PAPPA2: variants seen among roughly 807,000 people sequenced by gnomAD.
PAPPA2 encodes the protein pappalysin-2.
PAPPA2 carries 86 observed loss-of-function variants against 176.4 expected under a neutral mutation model. The observed-to-expected ratio is 0.49, with a 90% CI of 0.41 to 0.58. The LOEUF is 0.58. PAPPA2 is among the 20% of genes least tolerant of loss of function. The probability of loss-of-function intolerance (pLI) is 0.00; values close to 1 mark genes in which losing one functional copy is unlikely to be tolerated. For synonymous variants in PAPPA2, 809 were observed against 852.2 expected (o/e 0.95, Z 0.88); for missense variants, 2,073 against 2,256.9 (o/e 0.92, Z 1.65).
chr1:176,829,630 T>C (rs1242615860), intron 21 of PAPPA2, among the ~76,000 whole-genome samples: 4 of 152,304 alleles, frequency 2.6e-5, no homozygotes, highest in Admixed American at 2.0e-4. Flanking sequence ...TCCCGGGCCT[T>C]CTTGTGGGGT....
chr1:176,765,920 A>G lies in PAPPA2; in HGVS notation c.4323+83A>G, dbSNP rs187771722. On this transcript the variant is annotated intron_variant, in intron 15 of 22. Transcript: ENST00000367662. ...ACTCTTCTCTCTGGCTCCACAGGGA[A>G]AGAGCAGATGTTTTTAAACCATTTG... 53 of 1,507,852 alleles carry G rather than the reference A, an allele frequency of 3.5e-5. No homozygotes were observed. In the East Asian group the frequency reaches 1.2e-3, roughly 33 times the overall value. 93.4% of individuals were successfully genotyped at this position (1,507,852 alleles called of 1,614,324 possible).
At chr1:176,642,992 G>C (rs567839627) in intron 3 of PAPPA2, among the ~76,000 whole-genome samples, 18 of 151,874 alleles carry the variant, frequency 1.2e-4, no homozygotes, top group Admixed American at 5.9e-4. Context: ...CCTTTTCTGG[G>C]TGTCAGTTTT....
intron 12 of PAPPA2, among the ~76,000 whole-genome samples, chr1:176,736,246 A>G (rs1024778896): frequency 6.6e-6 from 1 of 151,920 alleles, no homozygotes; most frequent in East Asian, 1.9e-4. Context: ...CTACTGTCAA[A>G]CTGTCTTCCT....
intron 1 of PAPPA2, among the ~76,000 whole-genome samples, chr1:176,515,569 A>G (rs1648862762): frequency 6.6e-6 from 1 of 152,188 alleles, no homozygotes; most frequent in South Asian, 2.1e-4. Context: ...CTCATCAACA[A>G]GACAAACTAC....
chr1:176,551,987 A>G (rs1342119844), intron 1 of PAPPA2, among the ~76,000 whole-genome samples: 1 of 152,118 alleles, frequency 6.6e-6, no homozygotes, highest in Non-Finnish European at 1.5e-5. Flanking sequence ...AAGCCTTGCA[A>G]TCGGATTTTG....
chr1:176,676,588 A>G (rs924707954), intron 4 of PAPPA2, among the ~76,000 whole-genome samples: 99 of 152,266 alleles, frequency 6.5e-4, no homozygotes, highest in African/African-American at 2.4e-3. Flanking sequence ...GAAGCACTAC[A>G]TGGTTGGAGG....
intron 3 of PAPPA2, among the ~76,000 whole-genome samples, chr1:176,604,605 C>T (rs1654513637): frequency 6.6e-6 from 1 of 152,098 alleles, no homozygotes; most frequent in Non-Finnish European, 1.5e-5. Flanking sequence ...AAACAAAGAC[C>T]ATGTGGCCCA....
chr1:176,761,325 C>T (rs1481548907), intron 14 of PAPPA2, among the ~76,000 whole-genome samples: 2 of 152,140 alleles, frequency 1.3e-5, no homozygotes, highest in African/African-American at 2.4e-5. Flanking sequence ...AACACTGACT[C>T]TTGTTAAAAT....
At position 176,547,726 on chromosome 1, in the gene PAPPA2, A is replaced by G. The variant is rs561542495; in HGVS notation, c.-916-7681A>G. 2.0e-5 allele frequency among the ~76,000 whole-genome samples: 3 copies of G among 151,974 alleles called. No homozygotes were observed. The South Asian group carries it at 6.2e-4, about 32-fold the overall frequency. On this transcript the variant is annotated intron_variant, in intron 1 of 22. Transcript: ENST00000367662. Reference sequence around the variant, plus strand: ...ATGTTAAGCAGCATCCCTAGCCTGTACCCACTAGATGACAGCAGTATCCAT... The same window carrying G: ...ATGTTAAGCAGCATCCCTAGCCTGTGCCCACTAGATGACAGCAGTATCCAT...
intron 4 of PAPPA2, among the ~76,000 whole-genome samples, chr1:176,684,116 C>G (rs373496244): frequency 2.6e-5 from 4 of 152,080 alleles, no homozygotes; most frequent in African/African-American, 4.8e-5. Context: ...GAAAACCCCA[C>G]AGCCAAAAAA....
chr1:176,828,556 G>C (rs1666947425), intron 21 of PAPPA2, among the ~76,000 whole-genome samples: 1 of 151,430 alleles, frequency 6.6e-6, no homozygotes, highest in Admixed American at 6.6e-5. Context: ...GCATATATAT[G>C]TATCATATAT....
At chr1:176,799,965 G>C (rs1297010700) in intron 20 of PAPPA2, 96 bp from the exon 21 acceptor site, 9 of 1,221,636 alleles carry the variant, frequency 7.4e-6, no homozygotes, top group Non-Finnish European at 1.1e-5. Context: ...TTGAGAAATG[G>C]AGTTGGACTC....
At chr1:176,493,214 G>C (rs1647387991) in intron 1 of PAPPA2, among the ~76,000 whole-genome samples, 1 of 152,202 alleles carries the variant, frequency 6.6e-6, no homozygotes, top group East Asian at 1.9e-4. Flanking sequence ...TTGAAGTAGA[G>C]TGAGGGCAGT....
intron 1 of PAPPA2, among the ~76,000 whole-genome samples, chr1:176,539,398 G>C (rs1005334662): frequency 3.9e-5 from 6 of 152,216 alleles, no homozygotes; most frequent in Non-Finnish European, 8.8e-5. Context: ...CCTCAGCAGA[G>C]GAAATCCCTT....
At chr1:176,685,638 T>C (rs1659802749) in intron 4 of PAPPA2, among the ~76,000 whole-genome samples, 1 of 152,230 alleles carries the variant, frequency 6.6e-6, no homozygotes, top group Non-Finnish European at 1.5e-5. Flanking sequence ...GATTGCAGCT[T>C]TCTCTGAAAG....
At position 176,586,151 on chromosome 1, in the gene PAPPA2, A is replaced by G. The variant is rs148339603; in HGVS notation, c.920-8373A>G. On this transcript the variant is annotated intron_variant, in intron 2 of 22. Transcript: ENST00000367662. ...CAGTCACCTCTTCCAATTTTATGAA[A>G]TAGATTTATAGAAAAAGGCTTATTT... 5.0e-3 allele frequency among the ~76,000 whole-genome samples: 763 copies of G among 152,266 alleles called. 5 individuals are homozygous for G. The highest frequency in any genetic ancestry group is 8.6e-3 in the Non-Finnish European group (588 of 68,016).
intron 21 of PAPPA2, among the ~76,000 whole-genome samples, chr1:176,803,424 TA>T (rs1665768201): frequency 6.6e-6 from 1 of 152,034 alleles, no homozygotes; most frequent in East Asian, 1.9e-4. Flanking sequence ...TAATTAGTTG[TA>T]AACTGAGGAT....
intron 3 of PAPPA2, among the ~76,000 whole-genome samples, chr1:176,623,520 C>G (rs954333953): frequency 3.9e-5 from 6 of 152,144 alleles, no homozygotes; most frequent in Non-Finnish European, 7.4e-5. Context: ...GGGACTGTCC[C>G]TAGTGAAGAC....
chr1:176,792,296 C>T (rs1571334793), intron 19 of PAPPA2, among the ~76,000 whole-genome samples: 1 of 152,186 alleles, frequency 6.6e-6, no homozygotes, highest in East Asian at 1.9e-4. Flanking sequence ...GATGCGAAAC[C>T]TTGTAAGATT....
Sources: allele counts gnomAD v4.1 joint callset (sites outside exome capture counted in the v4.1 genomes callset), GRCh38; gene constraint gnomAD v4.1.1; transcripts MANE v1.5; gene names NCBI Gene and HGNC (gene_info 2026-07-23, HGNC 2026-07-21).